GABRB2: variants seen among roughly 807,000 people sequenced by gnomAD.
The protein encoded by GABRB2 is gamma-aminobutyric acid type A receptor subunit beta2.
Under a neutral mutation model 54.7 loss-of-function variants are expected in GABRB2, and 16 were observed. The observed-to-expected ratio is 0.29, with a 90% CI of 0.20 to 0.44. The LOEUF is 0.44. GABRB2 is among the 20% of genes least tolerant of loss of function. GABRB2 has a pLI of 1.00. For missense variants in GABRB2, 355 were observed against 644.0 expected (o/e 0.55, Z 4.86); for synonymous variants, 244 against 233.8 (o/e 1.04, Z -0.40).
At chr5:161,340,049 A>G (rs1374106031) in intron 5 of GABRB2, among the ~76,000 whole-genome samples, 1 of 152,082 alleles carries the variant, frequency 6.6e-6, no homozygotes, top group Non-Finnish European at 1.5e-5. Context: ...GGTCTAAACT[A>G]ATAGAGTATA....
In GABRB2 at chr5:161,294,155, G is replaced by T. The variant is rs867108626; in HGVS notation, c.1465C>A (p.Arg489=). ...PDLTDVNAID[R]WSRIFFPVVF... ...ACTGGGAAGAATATGCGGGACCACC[G>T]ATCTATGGCATTCACATCAGTCAAG... The change falls in exon 10 of 10, where the codon CGG becomes AGG. Residue 489 remains arginine (R), a synonymous_variant. Coordinates refer to ENST00000393959, the MANE Select transcript of GABRB2 (RefSeq NM_001371727.1). 2 of 1,614,108 alleles carry T rather than the reference G, an allele frequency of 1.2e-6. No individual in the cohort carries two copies. Among genetic ancestry groups the T allele is most frequent in the Middle Eastern group, 3.3e-4 (2 of 6,062 alleles).
intron 5 of GABRB2, among the ~76,000 whole-genome samples, chr5:161,408,198 A>G (rs1333541310): frequency 2.0e-5 from 3 of 152,094 alleles, no homozygotes; most frequent in Admixed American, 2.0e-4. Flanking sequence ...ACACTCAAAT[A>G]CAATGCTCAC....
intron 9 of GABRB2, among the ~76,000 whole-genome samples, chr5:161,316,638 C>T (rs1580973707): frequency 1.3e-5 from 2 of 151,932 alleles, no homozygotes; most frequent in Non-Finnish European, 1.5e-5. Flanking sequence ...CATAGAGTCT[C>T]ACTCTGTTGC....
At chr5:161,493,566 A>C (rs1759139905) in intron 3 of GABRB2, among the ~76,000 whole-genome samples, 1 of 151,842 alleles carries the variant, frequency 6.6e-6, no homozygotes, top group Admixed American at 6.6e-5. Context: ...ATTCTCATTG[A>C]AATTTTGATG....
At chr5:161,476,205 A>G (rs2113311559) in intron 3 of GABRB2, among the ~76,000 whole-genome samples, 1 of 152,082 alleles carries the variant, frequency 6.6e-6, no homozygotes, top group South Asian at 2.1e-4. Context: ...TATCAAAGAG[A>G]GTAAAATACT....
intron 3 of GABRB2, among the ~76,000 whole-genome samples, chr5:161,513,471 C>G (rs1488400894): frequency 2.0e-5 from 3 of 152,166 alleles, no homozygotes; most frequent in Middle Eastern, 3.4e-3. Flanking sequence ...AAAATCATGT[C>G]AGTTGCTGCA....
intron 4 of GABRB2, among the ~76,000 whole-genome samples, chr5:161,426,160 C>T (rs1273244717): frequency 1.3e-5 from 2 of 152,078 alleles, no homozygotes; most frequent in Non-Finnish European, 2.9e-5. Context: ...AGAAATCAAG[C>T]AGTGCTGGAC....
chr5:161,380,326 G>T (rs1755426222), intron 5 of GABRB2, among the ~76,000 whole-genome samples: 1 of 152,070 alleles, frequency 6.6e-6, no homozygotes, highest in Non-Finnish European at 1.5e-5. Context: ...GGTGTGAATT[G>T]TCACCTAGGC....
chr5:161,472,325 C>G (rs776592635), intron 3 of GABRB2, among the ~76,000 whole-genome samples: 29 of 151,660 alleles, frequency 1.9e-4, no homozygotes, highest in Non-Finnish European at 3.5e-4. Flanking sequence ...TAAGCTGCCT[C>G]TGGAACACCC....
At chr5:161,529,913 T>G (rs1282326696) in intron 3 of GABRB2, among the ~76,000 whole-genome samples, 1 of 152,074 alleles carries the variant, frequency 6.6e-6, no homozygotes, top group Non-Finnish European at 1.5e-5. Flanking sequence ...CTACATACTT[T>G]TAATATTCTT....
At chr5:161,455,949 T>C (rs555000500) in intron 4 of GABRB2, among the ~76,000 whole-genome samples, 70 of 152,364 alleles carry the variant, frequency 4.6e-4, no homozygotes, top group African/African-American at 1.6e-3. Context: ...ATCTTTATTA[T>C]GTTTTAATAC....
chr5:161,443,786 C>A (rs1316619970), intron 4 of GABRB2, among the ~76,000 whole-genome samples: 3 of 152,132 alleles, frequency 2.0e-5, no homozygotes, highest in African/African-American at 7.2e-5. Flanking sequence ...CAAGTAAGGG[C>A]CAGACATGTG....
chr5:161,335,541 G>A (rs942924755), intron 6 of GABRB2, among the ~76,000 whole-genome samples: 1 of 152,232 alleles, frequency 6.6e-6, no homozygotes, highest in African/African-American at 2.4e-5. Flanking sequence ...TTGATTGGAT[G>A]ACCTGGGCAA....
intron 6 of GABRB2, among the ~76,000 whole-genome samples, chr5:161,335,490 G>C (rs1228945105): frequency 6.6e-6 from 1 of 152,032 alleles, no homozygotes. Flanking sequence ...AATATTTGTG[G>C]GAGATACAAC....
At chr5:161,453,978 C>A (rs567980763) in intron 4 of GABRB2, among the ~76,000 whole-genome samples, 5 of 147,850 alleles carry the variant, frequency 3.4e-5, no homozygotes, top group African/African-American at 1.3e-4. Context: ...GCAGAGGTTG[C>A]AGTGAGCCGA....
chr5:161,396,641 A>G lies in GABRB2; in HGVS notation c.541+14334T>C, dbSNP rs113711486. Among the ~76,000 whole-genome samples the G allele has an allele frequency of 2.9e-3, 437 of 152,258 alleles. 2 individuals are homozygous for G. The highest frequency in any genetic ancestry group is 4.9e-3 in the Non-Finnish European group (335 of 67,996). On this transcript the variant is annotated intron_variant, in intron 5 of 9. Transcript: ENST00000393959. ...TGTTTTTTGAGCCTGTACTGTTCTT[A>G]TTAAATAAATGAGAGAGTATCACCA...
chr5:161,343,026 A>G (rs904592305), intron 5 of GABRB2, among the ~76,000 whole-genome samples: 2 of 152,088 alleles, frequency 1.3e-5, no homozygotes, highest in African/African-American at 2.4e-5. Context: ...GCACAGGTAC[A>G]GGACTGAGCG....
At chr5:161,366,183 T>C (rs1437582406) in intron 5 of GABRB2, among the ~76,000 whole-genome samples, 2 of 151,776 alleles carry the variant, frequency 1.3e-5, no homozygotes, top group African/African-American at 4.8e-5. Flanking sequence ...AATAAACCAC[T>C]GCGAAAGAAA....
intron 3 of GABRB2, 27 bp from the exon 4 acceptor site, chr5:161,459,871 G>A (rs776678057): frequency 3.5e-6 from 5 of 1,422,766 alleles, no homozygotes; most frequent in East Asian, 2.3e-5. Context: ...AAAAAACATG[G>A]TTAGTTTACA....
Sources: gnomAD v4.1 joint callset for allele counts (sites outside exome capture counted in the v4.1 genomes callset) on GRCh38, gnomAD v4.1.1 for gene constraint, MANE v1.5 for transcripts, NCBI Gene and HGNC (gene_info 2026-07-23, HGNC 2026-07-21) for gene names.